Variants in ABCC11 observed in about 807,000 individuals in gnomAD.
ABCC11 encodes ATP binding cassette subfamily C member 11.
Under a neutral mutation model 149.3 loss-of-function variants are expected in ABCC11, and 135 were observed. The ratio of observed to expected loss-of-function variants is 0.90; its 90% CI spans 0.79 to 1.04. The LOEUF (loss-of-function observed/expected upper bound fraction) is 1.04. ABCC11 is among the 50% of genes least tolerant of loss of function. The probability of loss-of-function intolerance (pLI) is 0.00; values close to 1 mark genes in which losing one functional copy is unlikely to be tolerated. For synonymous variants in ABCC11, 665 were observed against 671.4 expected (o/e 0.99, Z 0.15); for missense variants, 1,680 against 1,722.1 (o/e 0.98, Z 0.43).
rs754732238 is a variant in ABCC11 at position 48,203,195 on chromosome 16, T to G, written c.1878+33A>C. 8 of 1,535,246 alleles carry G rather than the reference T, an allele frequency of 5.2e-6. No homozygotes were observed. The South Asian group carries it at 9.5e-5, about 18-fold the overall frequency. ...AGCATGAACATAAGAGCACCAACAT[T>G]ACACAGAGAAGGCAGGCTCGCCTCC... On this transcript the variant is annotated intron_variant, in intron 14 of 29. Transcript: ENST00000356608.
chr16:48,198,992 C>T (rs1314658670), intron 15 of ABCC11, among the ~76,000 whole-genome samples: 2 of 151,626 alleles, frequency 1.3e-5, no homozygotes, highest in Non-Finnish European at 2.9e-5. Flanking sequence ...TGAGATTGTA[C>T]CATTGCACTC....
In ABCC11 at chr16:48,200,445, T is replaced by C; in HGVS notation, c.1913A>G (p.Gln638Arg). 1 of 1,614,222 alleles carries C rather than the reference T, an allele frequency of 6.2e-7. No individual in the cohort carries two copies. Among genetic ancestry groups the C allele is most frequent in the Non-Finnish European group, 8.5e-7 (1 of 1,180,038 alleles). ...GCGGGCCAGGCTGATCCTCTGTTTC[T>C]GCCCCCCAGAGAGGTTGAGGCCCCG... ...GERGLNLSGGQKQRISLARAV... is the reference protein window; with the variant it reads ...GERGLNLSGGRKQRISLARAV... Residue 638 changes from glutamine to arginine, a missense_variant, in exon 15 of 30, where the codon CAG becomes CGG. Gln to Arg is a conservative substitution (Grantham distance 43, BLOSUM62 1). Transcript: ENST00000356608.
intron 1 of ABCC11, among the ~76,000 whole-genome samples, chr16:48,235,694 G>T (rs958061025): frequency 6.6e-6 from 1 of 152,190 alleles, no homozygotes; most frequent in African/African-American, 2.4e-5. Flanking sequence ...AATGGAGCTG[G>T]AGTTTATTCA....
rs973480626 is a variant in ABCC11, at chr16:48,187,086, A to G, written c.2938T>C (p.Phe980Leu). 92 of 1,614,082 alleles carry G rather than the reference A, an allele frequency of 5.7e-5. 1 individual carries two copies. In the East Asian group the frequency reaches 2.0e-3, roughly 35 times the overall value. ...TTGAACACACCGATGGCCTTCTTGA[A>G]CATCCTGCATGGACAGTGGAGGTAA... ...MVICFIYYMM[F>L]KKAIGVFKRL... is the part of the protein sequence containing the mutation. Residue 980 changes from phenylalanine (F) to leucine (L), a missense_variant, in exon 22 of 30, where the codon TTC (phenylalanine) becomes CTC (leucine). Physicochemically the swap from Phe to Leu is conservative, Grantham distance 22 (BLOSUM62 0). Coordinates refer to ENST00000356608, the MANE Select transcript of ABCC11 (RefSeq NM_001370497.1).
chr16:48,215,465 A>G (rs1212383712), intron 7 of ABCC11, 121 bp from the exon 8 acceptor site: 8 of 1,195,946 alleles, frequency 6.7e-6, no homozygotes, highest in East Asian at 2.5e-5. Flanking sequence ...AGGTTTTCCA[A>G]TCAAAGCTCT....
At chr16:48,183,799 C>T (rs1966591199) in intron 23 of ABCC11, among the ~76,000 whole-genome samples, 1 of 152,104 alleles carries the variant, frequency 6.6e-6, no homozygotes, top group African/African-American at 2.4e-5. Context: ...AAGACCCCAG[C>T]TCAGGACCAG....
In ABCC11 at chr16:48,172,777, G is replaced by C. The variant is rs571682329; in HGVS notation, c.3699-1810C>G. Among the ~76,000 whole-genome samples the C allele has an allele frequency of 9.9e-5, 15 of 152,218 alleles. No homozygotes were observed. The South Asian group carries it at 3.1e-3, about 32-fold the overall frequency. Reference sequence around the variant, plus strand: ...GGTGTGAAGTGGTAGCTCATTGTTGGGGGGCTGGACTTTCTGTTTCTTGCA... The same window carrying C: ...GGTGTGAAGTGGTAGCTCATTGTTGCGGGGCTGGACTTTCTGTTTCTTGCA... On this transcript the variant is annotated intron_variant, in intron 26 of 29. Coordinates refer to ENST00000356608, the MANE Select transcript of ABCC11 (RefSeq NM_001370497.1).
chr16:48,227,746 A>C, intron 4 of ABCC11, 60 bp downstream of exon 4: 1 of 1,606,272 alleles, frequency 6.2e-7, no homozygotes, highest in Non-Finnish European at 8.5e-7. Context: ...ATCTCTGGTC[A>C]TTATCCCACC....
rs1307523973 is a variant in ABCC11, at chr16:48,230,516, G to A, written c.157C>T (p.Pro53Ser). ...WSQQERNPEA[P>S]GRAAVPPWGK... The stretch of plus-strand genomic sequence containing the variant: ...CACGGTGGGACAGCTGCCCTCCCTG[G>A]AGCCTCAGGATTTCTCTCTTGCTGA... Residue 53 changes from proline (P) to serine (S), a missense_variant, in exon 3 of 30, where the codon CCA becomes TCA. Pro to Ser is a moderately conservative substitution (Grantham distance 74). Coordinates refer to ENST00000356608, the MANE Select transcript of ABCC11 (RefSeq NM_001370497.1). 1.9e-6 allele frequency: 3 copies of A among 1,612,348 alleles called. No homozygotes were observed. The highest frequency in any genetic ancestry group is 4.5e-5 in the East Asian group (2 of 44,814).
At position 48,215,122 on chromosome 16, in the gene ABCC11, A is replaced by G. The variant is rs555169266; in HGVS notation, c.1099+75T>C. 5 of 1,581,248 alleles carry G rather than the reference A, an allele frequency of 3.2e-6. No homozygotes were observed. The South Asian group carries it at 4.6e-5, about 15-fold the overall frequency. On this transcript the variant is annotated intron_variant, in intron 8 of 29. Coordinates refer to ENST00000356608, the MANE Select transcript of ABCC11 (RefSeq NM_001370497.1). ...CCCCAAAGCATTAAAAAGAAAAAAA[A>G]TCCTCAAGAGGTGAGAGGGGCTCGG...
chr16:48,186,924 C>T (rs1275119764), intron 22 of ABCC11, 29 bp downstream of exon 22: 2 of 1,612,960 alleles, frequency 1.2e-6, no homozygotes, highest in African/African-American at 1.3e-5. Flanking sequence ...GTGGTTCCAT[C>T]ATTCTCAAAT....
In ABCC11 at chr16:48,205,441, G is replaced by T; in HGVS notation, c.1777C>A (p.Leu593Ile). 6.2e-7 allele frequency: 1 copy of T among 1,614,204 alleles called. No individual in the cohort carries two copies. Among genetic ancestry groups the T allele is most frequent in the South Asian group, 1.1e-5 (1 of 91,076 alleles). The change falls in exon 13 of 30, where the codon CTC becomes ATC. Residue 593 changes from leucine (L) to isoleucine (I), a missense_variant. Coordinates refer to ENST00000356608, the MANE Select transcript of ABCC11 (RefSeq NM_001370497.1). ...IVSGNIRENILMGGAYDKARY... is the reference protein window; with the variant it reads ...IVSGNIRENIIMGGAYDKARY... Reference sequence around the variant, plus strand: ...GCCTTGTCATATGCGCCTCCCATGAGGATGTTCTCCCTGATGTTCCCGCTG... The same window carrying T: ...GCCTTGTCATATGCGCCTCCCATGATGATGTTCTCCCTGATGTTCCCGCTG...
chr16:48,229,498 C>T lies in ABCC11; in HGVS notation c.236+939G>A, dbSNP rs1970291777. ...TTTGAGACGGAGGCTCGCTCTGTCA[C>T]CCAGCCCGGACTGCGGACTGCAGTG... is the stretch of plus-strand genomic sequence containing the variant. On this transcript the variant is annotated intron_variant, in intron 3 of 29. Transcript: ENST00000356608. Among the ~76,000 whole-genome samples the T allele has an allele frequency of 3.6e-5, 5 of 140,450 alleles. No individual in the cohort carries two copies. The South Asian group carries it at 1.1e-3, about 31-fold the overall frequency. 92.1% of individuals were successfully genotyped at this position (140,450 alleles called of 152,430 possible). A position where few individuals can be genotyped will look rare whatever the true frequency, so the allele number is the denominator to read the frequency against.
chr16:48,201,433 T>C (rs1967960018), intron 14 of ABCC11, among the ~76,000 whole-genome samples: 2 of 151,662 alleles, frequency 1.3e-5, no homozygotes, highest in Admixed American at 6.6e-5. Flanking sequence ...GGCGGTGCCA[T>C]CACACTTAGC....
chr16:48,218,249 T>C (rs1329678961), intron 6 of ABCC11, among the ~76,000 whole-genome samples: 1 of 152,172 alleles, frequency 6.6e-6, no homozygotes, highest in African/African-American at 2.4e-5. Context: ...TGAGCTATGG[T>C]GGCACCACTG....
intron 1 of ABCC11, among the ~76,000 whole-genome samples, chr16:48,240,094 A>C (rs1470675116): frequency 6.6e-6 from 1 of 152,228 alleles, no homozygotes; most frequent in Non-Finnish European, 1.5e-5. Context: ...AATTAGTTTG[A>C]CCATTGCGGA....
rs549237220 is a variant in ABCC11, at chr16:48,198,914, G to A, written c.2083-639C>T. ...CAGCCAGGTGTGGTGGCGTGTGCCT[G>A]TAGTCCCAGCTACTCGGGAGGCTGA... On this transcript the variant is annotated intron_variant, in intron 15 of 29. Coordinates refer to ENST00000356608, the MANE Select transcript of ABCC11 (RefSeq NM_001370497.1). Among the ~76,000 whole-genome samples the A allele has an allele frequency of 8.6e-5, 13 of 152,022 alleles. No individual in the cohort carries two copies. The East Asian group carries it at 2.5e-3, about 29-fold the overall frequency.
intron 12 of ABCC11, 91 bp from the exon 13 acceptor site, chr16:48,205,628 C>T (rs1336882460): frequency 8.7e-6 from 13 of 1,495,068 alleles, no homozygotes; most frequent in Non-Finnish European, 1.1e-5. Context: ...GGCCCCACTG[C>T]CCTCCAGGAC....
rs1966818157 is a variant in ABCC11 at position 48,187,485 on chromosome 16, G to A, written c.2707-58C>T. ...GAAGCTGCAGGCCCTGCTCAAGATT[G>A]GATGAAGATGCCTGTTACCCTTGAC... On this transcript the variant is annotated intron_variant, in intron 20 of 29. Transcript: ENST00000356608. 13 of 1,422,680 alleles carry A rather than the reference G, an allele frequency of 9.1e-6. No individual in the cohort carries two copies. In the East Asian group the frequency reaches 3.0e-4, roughly 32 times the overall value. The allele number at this position is 1,422,680 out of a possible 1,614,324, so 88.1% of individuals were successfully genotyped here.
Sources: gnomAD v4.1 joint callset for allele counts (sites outside exome capture counted in the v4.1 genomes callset) on GRCh38, gnomAD v4.1.1 for gene constraint, MANE v1.5 for transcripts, NCBI Gene and HGNC (gene_info 2026-07-23, HGNC 2026-07-21) for gene names.